TUSC3: variants seen among roughly 807,000 people sequenced by gnomAD.
TUSC3 encodes tumor suppressor candidate 3.
In TUSC3, 45 loss-of-function variants were observed where a neutral mutation model predicts 44.8. The observed-to-expected ratio is 1.00, with a 90% CI of 0.79 to 1.29. The LOEUF (loss-of-function observed/expected upper bound fraction) is 1.29. TUSC3 is among the 50% of genes most tolerant of loss of function. TUSC3 has a pLI of 0.00. For synonymous variants in TUSC3, 212 were observed against 152.9 expected (o/e 1.39, Z -2.85); for missense variants, 519 against 437.9 (o/e 1.19, Z -1.65).
intron 2 of TUSC3, among the ~76,000 whole-genome samples, chr8:15,629,553 GTT>G (rs71211066): frequency 3.3e-4 from 42 of 129,016 alleles, no homozygotes; most frequent in Admixed American, 6.3e-4. Context: ...CGGCCATCTT[GTT>G]TTTTTTTTTT....
intron 6 of TUSC3, among the ~76,000 whole-genome samples, chr8:15,693,278 T>C (rs1809003320): frequency 6.6e-6 from 1 of 152,158 alleles, no homozygotes; most frequent in African/African-American, 2.4e-5. Flanking sequence ...AGTATATTTT[T>C]ATAGTGGCCA....
At chr8:15,452,687 C>A (rs569539710) in intron 1 of TUSC3, among the ~76,000 whole-genome samples, 3 of 152,270 alleles carry the variant, frequency 2.0e-5, no homozygotes, top group African/African-American at 7.2e-5. Context: ...TTGTGTGTCA[C>A]AATCTTCCTG....
At chr8:15,726,376 G>A (rs1447208092) in intron 6 of TUSC3, among the ~76,000 whole-genome samples, 2 of 151,984 alleles carry the variant, frequency 1.3e-5, no homozygotes, top group African/African-American at 4.8e-5. Flanking sequence ...ATTATGCTAT[G>A]CTATTTGTCT....
chr8:15,792,433 A>G, the TUSC3 span, among the ~76,000 whole-genome samples: 1 of 152,200 alleles, frequency 6.6e-6, no homozygotes, highest in African/African-American at 2.4e-5. Context: ...AACAGTGACT[A>G]GCTTACTTCT....
At chr8:15,800,881 G>C in the TUSC3 span, among the ~76,000 whole-genome samples, 1 of 152,242 alleles carries the variant, frequency 6.6e-6, no homozygotes, top group African/African-American at 2.4e-5. Context: ...TAACATGCTT[G>C]TTCTGAAAAC....
intron 7 of TUSC3, among the ~76,000 whole-genome samples, chr8:15,736,539 G>A (rs550773810): frequency 2.0e-5 from 3 of 152,244 alleles, no homozygotes; most frequent in African/African-American, 7.2e-5. Context: ...AAAACCTCAT[G>A]TATGATTTTA....
intron 1 of TUSC3, among the ~76,000 whole-genome samples, chr8:15,605,615 A>T (rs1404901184): frequency 6.6e-6 from 1 of 151,956 alleles, no homozygotes; most frequent in Non-Finnish European, 1.5e-5. Context: ...ATACCAAAAA[A>T]AATGGAGAAA....
chr8:15,506,374 A>G (rs1016426791), intron 2 of TUSC3, among the ~76,000 whole-genome samples: 7 of 152,222 alleles, frequency 4.6e-5, no homozygotes. Context: ...ACATTACTGT[A>G]ACTTTCACTC....
At chr8:15,453,692 A>C (rs1412413615) in intron 1 of TUSC3, among the ~76,000 whole-genome samples, 1 of 152,174 alleles carries the variant, frequency 6.6e-6, no homozygotes, top group Non-Finnish European at 1.5e-5. Flanking sequence ...ATCACTTGGG[A>C]CTTAGTATAA....
intron 2 of TUSC3, among the ~76,000 whole-genome samples, chr8:15,531,151 C>G (rs1475858539): frequency 1.3e-5 from 2 of 152,178 alleles, no homozygotes. Flanking sequence ...CAGAAGTAGG[C>G]CAACAAATAA....
rs181858724 is a variant in TUSC3 at position 15,608,269 on chromosome 8, A to T, written c.139-14811A>T. 4.9e-3 allele frequency among the ~76,000 whole-genome samples: 747 copies of T among 151,520 alleles called. 8 individuals carry two copies. Among genetic ancestry groups the T allele is most frequent in the Non-Finnish European group, 9.1e-3 (620 of 67,844 alleles). The stretch of plus-strand genomic sequence containing the variant: ...TCCTCAAGAGGTTCCTCTCTTTTCC[A>T]TGAGTGTTTAATGTGTACTGAATTC... On this transcript the variant is annotated intron_variant, in intron 1 of 10. Transcript: ENST00000503731.
chr8:15,690,407 G>C (rs993158925), intron 6 of TUSC3, among the ~76,000 whole-genome samples: 3 of 149,616 alleles, frequency 2.0e-5, no homozygotes, highest in Non-Finnish European at 3.0e-5. Flanking sequence ...TTAGACCTTT[G>C]TCAAATGTAT....
At chr8:15,676,748 T>C (rs1243594521) in intron 6 of TUSC3, among the ~76,000 whole-genome samples, 2 of 152,302 alleles carry the variant, frequency 1.3e-5, no homozygotes, top group East Asian at 3.9e-4. Flanking sequence ...AAGAAAATCA[T>C]CCAGCTCCAA....
Position 15,540,318 on chromosome 8 carries a change from ATCCCGGAGGGCCCAGCCAGCGGGC to A in TUSC3, c.-103_-80del. On this transcript the variant is annotated 5_prime_UTR_variant, in exon 1 of 11. Coordinates refer to ENST00000503731, the MANE Select transcript of TUSC3 (RefSeq NM_006765.4). Reference sequence around the variant, plus strand: ...CCGGGTCCCTCGCAAAGCCGCTGCCATCCCGGAGGGCCCAGCCAGCGGGCTCCCGGAGGCTGGCCGGGCAGGCGT... The same window carrying A: ...CCGGGTCCCTCGCAAAGCCGCTGCCATCCCGGAGGCTGGCCGGGCAGGCGT... 6 of 1,347,624 alleles carry A rather than the reference ATCCCGGAGGGCCCAGCCAGCGGGC, an allele frequency of 4.5e-6. No homozygotes were observed. The South Asian group carries it at 5.3e-5, about 12-fold the overall frequency. The allele number at this position is 1,347,624 out of a possible 1,614,324, so 83.5% of individuals were successfully genotyped here.
intron 1 of TUSC3, among the ~76,000 whole-genome samples, chr8:15,474,967 C>T (rs144431141): frequency 6.6e-6 from 1 of 152,162 alleles, no homozygotes. Flanking sequence ...CCTTCTGTGA[C>T]ACTTGCAGAT....
intron 6 of TUSC3, among the ~76,000 whole-genome samples, chr8:15,720,850 G>T (rs1810275265): frequency 2.0e-5 from 3 of 152,104 alleles, no homozygotes; most frequent in Admixed American, 2.0e-4. Context: ...TCCAGATAAT[G>T]ATCGAAGGGC....
At chr8:15,834,696 A>G in the TUSC3 span, among the ~76,000 whole-genome samples, 1 of 152,052 alleles carries the variant, frequency 6.6e-6, no homozygotes, top group Non-Finnish European at 1.5e-5. Context: ...TATTGAGTTA[A>G]TTCATTCAGT....
At chr8:15,821,310 G>A in the TUSC3 span, among the ~76,000 whole-genome samples, 2 of 146,158 alleles carry the variant, frequency 1.4e-5, no homozygotes, top group East Asian at 2.0e-4. Flanking sequence ...TAGCATTTGA[G>A]ATTATTTTAT....
chr8:15,753,424 T>C (rs1343497912), intron 9 of TUSC3, among the ~76,000 whole-genome samples: 1 of 152,074 alleles, frequency 6.6e-6, no homozygotes, highest in Non-Finnish European at 1.5e-5. Flanking sequence ...ATTATTTTGC[T>C]CTCTCAGGTT....
Sources: allele counts gnomAD v4.1 joint callset (sites outside exome capture counted in the v4.1 genomes callset), GRCh38; gene constraint gnomAD v4.1.1; transcripts MANE v1.5; gene names NCBI Gene and HGNC (gene_info 2026-07-23, HGNC 2026-07-21).